Variants in MED15 observed in about 807,000 individuals in gnomAD.
MED15 encodes the protein mediator of RNA polymerase II transcription subunit 15.
In MED15, 41 loss-of-function variants were observed where a neutral mutation model predicts 118.7. That is an observed-to-expected ratio of 0.35 (90% CI 0.27 to 0.45). The LOEUF (loss-of-function observed/expected upper bound fraction) is 0.45. MED15 is among the 20% of genes least tolerant of loss of function. The probability of loss-of-function intolerance (pLI) is 1.00; values close to 1 mark genes in which losing one functional copy is unlikely to be tolerated. For missense variants in MED15, 740 were observed against 1,025.5 expected (o/e 0.72, Z 3.80); for synonymous variants, 436 against 413.9 (o/e 1.05, Z -0.65).
At chr22:20,571,290 G>A (rs2056653538) in intron 8 of MED15, among the ~76,000 whole-genome samples, 1 of 152,336 alleles carries the variant, frequency 6.6e-6, no homozygotes, top group Non-Finnish European at 1.5e-5. Context: ...TCTTCCTGTC[G>A]GTTTCTCCAC....
intron 5 of MED15, among the ~76,000 whole-genome samples, chr22:20,555,502 C>T (rs2055961799): frequency 6.6e-6 from 1 of 152,240 alleles, no homozygotes; most frequent in Non-Finnish European, 1.5e-5. Context: ...CACAACTCCA[C>T]TGTCTGCCCG....
Position 20,554,991 on chromosome 22 carries a change from A to C in MED15, c.294A>C (p.Gly98=). Residue 98 remains glycine, a synonymous_variant, in exon 5 of 18, where the codon GGA becomes GGC. Transcript: ENST00000263205. ...GCGGACCTGCTGCGGGAGCCGCTGG[A>C]ATTGGCATGCCTCCTCGGGGCCCGG... is the stretch of plus-strand genomic sequence containing the variant. The part of the protein sequence containing the change: ...LTGGPAAGAA[G]IGMPPRGPGQ... 2 of 1,611,802 alleles carry C rather than the reference A, an allele frequency of 1.2e-6. No individual in the cohort carries two copies. The highest frequency in any genetic ancestry group is 1.7e-6 in the Non-Finnish European group (2 of 1,179,992).
chr22:20,546,790 A>T (rs2055560636), intron 2 of MED15, among the ~76,000 whole-genome samples: 1 of 152,010 alleles, frequency 6.6e-6, no homozygotes, highest in African/African-American at 2.4e-5. Flanking sequence ...GCCCTCACAC[A>T]ACCTCTTTAG....
chr22:20,552,167 C>T (rs28681662), intron 3 of MED15, among the ~76,000 whole-genome samples: 4,537 of 152,320 alleles, frequency 0.03, 229 homozygotes, highest in African/African-American at 0.1. Flanking sequence ...CCAGCAGCTG[C>T]TCTGTGTTTT....
chr22:20,538,865 A>G (rs2146454362), intron 2 of MED15, among the ~76,000 whole-genome samples: 1 of 151,822 alleles, frequency 6.6e-6, no homozygotes, highest in East Asian at 1.9e-4. Context: ...ACACCCGACT[A>G]ATTTTTTGTA....
At chr22:20,562,736 A>T (rs1294625480) in intron 5 of MED15, among the ~76,000 whole-genome samples, 1 of 152,162 alleles carries the variant, frequency 6.6e-6, no homozygotes, top group African/African-American at 2.4e-5. Flanking sequence ...CACAAAATAA[A>T]TTAAAAATTT....
chr22:20,548,165 T>C (rs1386028358), intron 2 of MED15, among the ~76,000 whole-genome samples: 1 of 152,044 alleles, frequency 6.6e-6, no homozygotes, highest in Non-Finnish European at 1.5e-5. Context: ...TTTTGTTTTT[T>C]GTTTTTTGTT....
chr22:20,577,498 A>G (rs1451157515), intron 9 of MED15, among the ~76,000 whole-genome samples: 1 of 146,928 alleles, frequency 6.8e-6, no homozygotes, highest in African/African-American at 2.5e-5. Flanking sequence ...GCCCTGAGTT[A>G]TGCCAGCTAA....
chr22:20,575,366 C>T, intron 9 of MED15, 134 bp downstream of exon 9: 2 of 1,123,482 alleles, frequency 1.8e-6, no homozygotes, highest in South Asian at 2.0e-5. Context: ...AACCCACAGT[C>T]CCTTTTTTTT....
chr22:20,559,153 C>T (rs1184058961), intron 5 of MED15, among the ~76,000 whole-genome samples: 1 of 151,884 alleles, frequency 6.6e-6, no homozygotes, highest in Non-Finnish European at 1.5e-5. Flanking sequence ...GAGACACCAT[C>T]TCTGAAAAAA....
At chr22:20,520,595 G>A (rs1356182229) in intron 1 of MED15, among the ~76,000 whole-genome samples, 1 of 152,136 alleles carries the variant, frequency 6.6e-6, no homozygotes, top group African/African-American at 2.4e-5. Flanking sequence ...CACAGTGAAC[G>A]ACACGCATAC....
intron 5 of MED15, among the ~76,000 whole-genome samples, chr22:20,557,980 C>G (rs1342196202): frequency 1.3e-5 from 2 of 152,170 alleles, no homozygotes; most frequent in Non-Finnish European, 2.9e-5. Flanking sequence ...GTGGTGGGTG[C>G]CTGTAGTCCC....
At chr22:20,567,307 G>A (rs2056479707) in intron 7 of MED15, among the ~76,000 whole-genome samples, 1 of 152,134 alleles carries the variant, frequency 6.6e-6, no homozygotes, top group Non-Finnish European at 1.5e-5. Flanking sequence ...ATAAAATACT[G>A]TTATTCCTAG....
intron 1 of MED15, among the ~76,000 whole-genome samples, chr22:20,512,691 A>T (rs1156936844): frequency 6.3e-5 from 9 of 141,846 alleles, no homozygotes; most frequent in African/African-American, 2.1e-4. Flanking sequence ...TCCCAGGTTC[A>T]CGCCATTCTC....
Position 20,584,900 on chromosome 22 carries a change from C to T in MED15, c.1849C>T (p.Leu617=), listed in dbSNP as rs747789905. Residue 617 remains leucine, a synonymous_variant, in exon 15 of 18, where the codon CTA becomes TTA. Transcript: ENST00000263205. The stretch of plus-strand genomic sequence containing the variant: ...GGTGCCACCGACCAAACAGCAGTAC[C>T]TATGCCAGCCGCTCCTGGATGCCGT... ...PPVPPTKQQY[L]CQPLLDAVLA... 4 of 1,613,814 alleles carry T rather than the reference C, an allele frequency of 2.5e-6. No homozygotes were observed. Among genetic ancestry groups the T allele is most frequent in the Non-Finnish European group, 2.5e-6 (3 of 1,180,024 alleles).
At chr22:20,529,427 C>T (rs547624666) in intron 1 of MED15, among the ~76,000 whole-genome samples, 20 of 149,604 alleles carry the variant, frequency 1.3e-4, no homozygotes, top group African/African-American at 4.0e-4. Context: ...TTTATATTTA[C>T]GTATATATTT....
At chr22:20,518,963 C>T (rs1332516402) in intron 1 of MED15, 3 of 427,350 alleles carry the variant, frequency 7.0e-6, no homozygotes, top group South Asian at 3.3e-5. Context: ...AGCGATCCTC[C>T]CACGTCAGCC....
chr22:20,536,983 C>T, intron 1 of MED15, 134 bp from the exon 2 acceptor site: 1 of 695,722 alleles, frequency 1.4e-6, no homozygotes, highest in Non-Finnish European at 2.4e-6. Flanking sequence ...CTCTCCTGGA[C>T]CTCAGCCAGG....
chr22:20,559,002 A>T (rs775790662), intron 5 of MED15, among the ~76,000 whole-genome samples: 6 of 152,066 alleles, frequency 3.9e-5, no homozygotes, highest in African/African-American at 1.4e-4. Context: ...AAAGAAATAA[A>T]GTGGAGAGCC....
Sources: allele counts gnomAD v4.1 joint callset (sites outside exome capture counted in the v4.1 genomes callset), GRCh38; gene constraint gnomAD v4.1.1; transcripts MANE v1.5; gene names NCBI Gene and HGNC (gene_info 2026-07-23, HGNC 2026-07-21).